Variants in SLC11A2 observed in about 807,000 individuals in gnomAD.
The protein encoded by SLC11A2 is natural resistance-associated macrophage protein 2.
SLC11A2 carries 38 observed loss-of-function variants against 68.0 expected under a neutral mutation model. The observed-to-expected ratio is 0.56, with a 90% CI of 0.43 to 0.73. The LOEUF is 0.73. Among genes scored for constraint, SLC11A2 ranks in the 30% least tolerant of loss-of-function variants. SLC11A2 has a pLI of 0.00. For synonymous variants in SLC11A2, 242 were observed against 250.6 expected, an observed-to-expected ratio of 0.97 and a Z score of 0.32; for missense variants, 517 against 690.5, an observed-to-expected ratio of 0.75 and a Z score of 2.82.
Position 50,995,871 on chromosome 12 carries a change from G to A in SLC11A2, c.832-84C>T, listed in dbSNP as rs1941654766. ...ATTTCAGGAGTTTGGAGTCAGCTGA[G>A]AGATTTAGGGGACAAAAGTTGACCA... On this transcript the variant is annotated intron_variant, in intron 9 of 15. Transcript: ENST00000262052. 4 of 1,333,946 alleles carry A rather than the reference G, an allele frequency of 3.0e-6. No individual in the cohort carries two copies. In the South Asian group the frequency reaches 3.5e-5, roughly 12 times the overall value. The allele number at this position is 1,333,946 out of a possible 1,614,324, so 82.6% of individuals were successfully genotyped here. A position where few individuals can be genotyped will look rare whatever the true frequency, so the allele number is the denominator to read the frequency against.
At chr12:51,012,838 C>A (rs1044864776) in intron 1 of SLC11A2, among the ~76,000 whole-genome samples, 5 of 152,170 alleles carry the variant, frequency 3.3e-5, no homozygotes, top group South Asian at 2.1e-4. Context: ...CATCAGCCAA[C>A]AGCCCCCAAT....
downstream of SLC11A2, among the ~76,000 whole-genome samples, chr12:50,976,217 G>A (rs1376241418): frequency 1.3e-5 from 2 of 152,186 alleles, no homozygotes; most frequent in African/African-American, 4.8e-5. Context: ...CAATATCCCT[G>A]ATGAACATTG....
At chr12:50,968,748 G>A in the SLC11A2 span, among the ~76,000 whole-genome samples, 1 of 151,742 alleles carries the variant, frequency 6.6e-6, no homozygotes, top group Non-Finnish European at 1.5e-5. Context: ...CGCCATGTTG[G>A]TCAGGCTGGT....
In SLC11A2 at chr12:50,994,342, C is replaced by T. The variant is rs11169657; in HGVS notation, c.1077+202G>A. 0.45 allele frequency among the ~76,000 whole-genome samples: 69,035 copies of T among 151,956 alleles called. 16,995 individuals are homozygous for T. Among genetic ancestry groups the T allele is most frequent in the Non-Finnish European group, 0.56 (38,036 of 67,934 alleles). On this transcript the variant is annotated intron_variant, in intron 11 of 15. Transcript: ENST00000262052. ...GATTACAGGCGTGAACCACCGCACCCGGCCTGTATTATATATCTTTTCAAC... is the reference window on the plus strand; with the variant it reads ...GATTACAGGCGTGAACCACCGCACCTGGCCTGTATTATATATCTTTTCAAC...
At chr12:50,970,348 T>C in the SLC11A2 span, 3 of 730,884 alleles carry the variant, frequency 4.1e-6, no homozygotes, top group Non-Finnish European at 4.8e-6. Context: ...TCTGTTTAAA[T>C]TGTGGGCTAG....
chr12:50,963,982 A>G, the SLC11A2 span, among the ~76,000 whole-genome samples: 1 of 152,156 alleles, frequency 6.6e-6, no homozygotes, highest in Non-Finnish European at 1.5e-5. Flanking sequence ...TTATCTCCCA[A>G]AAGAGGATAC....
intron 1 of SLC11A2, among the ~76,000 whole-genome samples, chr12:51,017,887 G>A (rs970172854): frequency 1.3e-5 from 2 of 152,116 alleles, no homozygotes; most frequent in Admixed American, 1.3e-4. Flanking sequence ...GGCACCCACT[G>A]CTTACCACTG....
intron 1 of SLC11A2, chr12:51,025,628 G>A (rs558418726): frequency 5.2e-5 from 21 of 405,090 alleles, no homozygotes; most frequent in Non-Finnish European, 6.7e-5. Flanking sequence ...TTAAAAGTGG[G>A]GACACATGAA....
chr12:50,995,479 G>C (rs1941616847), intron 10 of SLC11A2, 150 bp downstream of exon 10: 1 of 819,684 alleles, frequency 1.2e-6, no homozygotes, highest in Non-Finnish European at 2.0e-6. Context: ...GACTCTGACT[G>C]GTGCACAGTG....
In SLC11A2 at chr12:50,993,210, AAAG is replaced by A. The variant is rs1335481320; in HGVS notation, c.1078-284_1078-282del. On this transcript the variant is annotated intron_variant, in intron 11 of 15. Transcript: ENST00000262052. ...AAATATTAAAAAAAAAAAAAAAAAA[AAAG>A]AGGTCTACACCACTTTCCCCAAATT... The A allele has an allele frequency of 1.2e-3, 413 of 332,018 alleles. 4 individuals are homozygous for A. The highest frequency in any genetic ancestry group is 9.1e-3 in the African/African-American group (370 of 40,632). 20.6% of individuals were successfully genotyped at this position (332,018 alleles called of 1,614,324 possible).
the SLC11A2 span, chr12:50,961,142 G>A: frequency 1.9e-6 from 3 of 1,600,392 alleles, no homozygotes; most frequent in South Asian, 2.2e-5. Context: ...AGCTGTCTTT[G>A]AGAGTACATT....
chr12:51,013,235 A>C (rs1186525366), intron 1 of SLC11A2, among the ~76,000 whole-genome samples: 26 of 152,088 alleles, frequency 1.7e-4, no homozygotes, highest in Admixed American at 1.6e-3. Context: ...CAAGTATAAT[A>C]ACTCAAGTTT....
intron 1 of SLC11A2, among the ~76,000 whole-genome samples, chr12:51,016,668 G>T (rs1222218153): frequency 3.0e-5 from 4 of 133,326 alleles, no homozygotes; most frequent in African/African-American, 1.1e-4. Context: ...GGTGGCAGGG[G>T]GAGACTCCAT....
At chr12:50,955,912 A>C in the SLC11A2 span, among the ~76,000 whole-genome samples, 1 of 152,234 alleles carries the variant, frequency 6.6e-6, no homozygotes, top group Non-Finnish European at 1.5e-5. Context: ...ATTTAGGATG[A>C]TTAAAGTGGA....
chr12:51,008,440 G>A, intron 3 of SLC11A2, 36 bp downstream of exon 3: 1 of 1,588,526 alleles, frequency 6.3e-7, no homozygotes, highest in Middle Eastern at 1.7e-4. Context: ...GTTTTCCCCA[G>A]ACAATAGTGT....
chr12:50,962,427 C>T, the SLC11A2 span, among the ~76,000 whole-genome samples: 12 of 150,968 alleles, frequency 7.9e-5, no homozygotes, highest in South Asian at 2.1e-4. Flanking sequence ...AAGCCAGGCA[C>T]GGTGGCTCAT....
intron 1 of SLC11A2, among the ~76,000 whole-genome samples, chr12:51,019,367 C>A (rs1026888424): frequency 6.6e-6 from 1 of 152,218 alleles, no homozygotes; most frequent in African/African-American, 2.4e-5. Flanking sequence ...GACAGTTCTA[C>A]TAAACCATTA....
chr12:51,026,235 G>T, intron 1 of SLC11A2, 75 bp downstream of exon 1: 1 of 1,224,392 alleles, frequency 8.2e-7, no homozygotes, highest in Non-Finnish European at 1.1e-6. Flanking sequence ...CCCCGACACA[G>T]GCCCTCGAGC....
chr12:51,000,505 T>C, intron 5 of SLC11A2, 86 bp from the exon 6 acceptor site: 1 of 972,142 alleles, frequency 1.0e-6, no homozygotes, highest in South Asian at 1.4e-5. Context: ...ATTTTGGCAC[T>C]AAACCATAAA....
Sources: gnomAD v4.1 joint callset for allele counts (sites outside exome capture counted in the v4.1 genomes callset) on GRCh38, gnomAD v4.1.1 for gene constraint, MANE v1.5 for transcripts, NCBI Gene and HGNC (gene_info 2026-07-23, HGNC 2026-07-21) for gene names.